PCOLCE2: variants seen among roughly 807,000 people sequenced by gnomAD.
The protein encoded by PCOLCE2 is procollagen C-endopeptidase enhancer 2.
PCOLCE2 carries 42 observed loss-of-function variants against 47.0 expected under a neutral mutation model. The observed-to-expected ratio is 0.89, with a 90% CI of 0.70 to 1.16. The LOEUF (loss-of-function observed/expected upper bound fraction) is 1.16, where lower values mean the gene tolerates loss of function less well. Among genes scored for constraint, PCOLCE2 ranks in the 50% most tolerant of loss-of-function variants. PCOLCE2 has a pLI of 0.00. For synonymous variants in PCOLCE2, 169 were observed against 191.7 expected (o/e 0.88, Z 0.98); for missense variants, 500 against 526.1 (o/e 0.95, Z 0.49).
intron 2 of PCOLCE2, among the ~76,000 whole-genome samples, chr3:142,861,980 C>A (rs1468287240): frequency 6.6e-6 from 1 of 152,148 alleles, no homozygotes; most frequent in Non-Finnish European, 1.5e-5. Context: ...AGAGGTGGGG[C>A]CGGGGTCTCA....
At chr3:142,839,889 G>A (rs1329073983) in intron 4 of PCOLCE2, among the ~76,000 whole-genome samples, 1 of 152,084 alleles carries the variant, frequency 6.6e-6, no homozygotes, top group Non-Finnish European at 1.5e-5. Context: ...TGGGAAAAGG[G>A]GCTACATACC....
At chr3:142,868,217 C>T (rs116056608) in intron 2 of PCOLCE2, among the ~76,000 whole-genome samples, 10,536 of 152,152 alleles carry the variant, frequency 0.069, 404 homozygotes, top group African/African-American at 0.1. Flanking sequence ...CTGTCTAGGA[C>T]AGTGTTTCTC....
At chr3:142,865,840 C>G (rs1933272738) in intron 2 of PCOLCE2, among the ~76,000 whole-genome samples, 1 of 152,076 alleles carries the variant, frequency 6.6e-6, no homozygotes, top group African/African-American at 2.4e-5. Context: ...GTCTTTTAAT[C>G]TAAGGCTTAT....
At chr3:142,838,046 T>C (rs1937223995) in intron 5 of PCOLCE2, among the ~76,000 whole-genome samples, 1 of 152,160 alleles carries the variant, frequency 6.6e-6, no homozygotes, top group Non-Finnish European at 1.5e-5. Context: ...TTGTTTTTGT[T>C]TTGTTTTGTT....
At chr3:142,871,685 TG>T (rs1439429347) in intron 2 of PCOLCE2, among the ~76,000 whole-genome samples, 1 of 152,214 alleles carries the variant, frequency 6.6e-6, no homozygotes, top group East Asian at 1.9e-4. Flanking sequence ...ATCTTCTCAC[TG>T]GAAGTTTTCA....
intron 6 of PCOLCE2, among the ~76,000 whole-genome samples, chr3:142,826,209 G>GT (rs1234384382): frequency 1.3e-5 from 2 of 151,778 alleles, no homozygotes; most frequent in Non-Finnish European, 2.9e-5. Flanking sequence ...GGGTTTCACC[G>GT]TGTTAGCCAA....
intron 6 of PCOLCE2, among the ~76,000 whole-genome samples, chr3:142,828,636 T>C (rs1158222514): frequency 6.6e-6 from 1 of 152,166 alleles, no homozygotes; most frequent in African/African-American, 2.4e-5. Context: ...GAAAATAGTG[T>C]GATAAAAACA....
At position 142,842,468 on chromosome 3, in the gene PCOLCE2, T is replaced by G. The variant is rs1937274506; in HGVS notation, c.573+456A>C. Among the ~76,000 whole-genome samples the G allele has an allele frequency of 6.6e-6, 1 of 152,186 alleles. No individual in the cohort carries two copies. The highest frequency in any genetic ancestry group is 2.1e-4 in the South Asian group (1 of 4,832). On this transcript the variant is annotated intron_variant, in intron 4 of 8. Transcript: ENST00000295992. This position sits in a 1 kb window ranked among gnomAD's most constrained non-coding sequence, Gnocchi z 4.1. The stretch of plus-strand genomic sequence containing the variant: ...AATGCAAAGGCTAGGCCGGGCACGG[T>G]GGCTCACATCTGTAATCCCAGCATT...
At chr3:142,848,596 C>T in intron 2 of PCOLCE2, 124 bp from the exon 3 acceptor site, 2 of 825,368 alleles carry the variant, frequency 2.4e-6, no homozygotes, top group South Asian at 4.4e-5. Context: ...TCTCTCATAT[C>T]TGAACTAACC....
intron 2 of PCOLCE2, among the ~76,000 whole-genome samples, chr3:142,871,990 C>T (rs142646658): frequency 2.1e-4 from 32 of 152,268 alleles, no homozygotes; most frequent in Admixed American, 8.5e-4. Context: ...CATCTTCACC[C>T]TACTCTTCTT....
intron 2 of PCOLCE2, among the ~76,000 whole-genome samples, chr3:142,866,190 A>T (rs1439869299): frequency 6.6e-6 from 1 of 152,192 alleles, no homozygotes; most frequent in African/African-American, 2.4e-5. Context: ...ATCCATTCTC[A>T]ACAGTGTGGG....
intron 2 of PCOLCE2, among the ~76,000 whole-genome samples, chr3:142,854,420 T>C (rs1933026694): frequency 6.6e-6 from 1 of 152,166 alleles, no homozygotes; most frequent in Admixed American, 6.5e-5. Context: ...AGACAAATTA[T>C]GTAAAAATAT....
Position 142,825,995 on chromosome 3 carries a change from G to A in PCOLCE2, c.866-2380C>T, listed in dbSNP as rs758589385. 7.1e-4 allele frequency among the ~76,000 whole-genome samples: 108 copies of A among 151,100 alleles called. 1 individual carries two copies. The highest frequency in any genetic ancestry group is 6.8e-3 in the Middle Eastern group (2 of 294). ...TGCCACTCCCTTCTCCCTCTCAGAG[G>A]TGACCTTGCCTTTTTTTTTTTCTTT... On this transcript the variant is annotated intron_variant, in intron 6 of 8. Transcript: ENST00000295992.
intron 3 of PCOLCE2, 57 bp downstream of exon 3, chr3:142,848,160 T>A: frequency 6.4e-7 from 1 of 1,554,848 alleles, no homozygotes; most frequent in Non-Finnish European, 8.8e-7. Flanking sequence ...AAACATCAAG[T>A]GCCAAGAACA....
chr3:142,827,396 A>C, intron 6 of PCOLCE2: 1 of 1,564,338 alleles, frequency 6.4e-7, no homozygotes, highest in Non-Finnish European at 8.8e-7. Flanking sequence ...GGCTGAGGAG[A>C]CAACCTTCTT....
At chr3:142,867,303 G>A (rs1339552049) in intron 2 of PCOLCE2, among the ~76,000 whole-genome samples, 2 of 152,142 alleles carry the variant, frequency 1.3e-5, no homozygotes, top group Non-Finnish European at 2.9e-5. Flanking sequence ...AAAGGACCCT[G>A]GGTGTTTCCC....
intron 2 of PCOLCE2, among the ~76,000 whole-genome samples, chr3:142,882,279 G>A (rs745383485): frequency 2.6e-5 from 4 of 152,030 alleles, no homozygotes; most frequent in Non-Finnish European, 5.9e-5. Context: ...ACACCTTGCT[G>A]CAAGCGATCT....
At chr3:142,884,631 T>A (rs1376699825) in intron 2 of PCOLCE2, among the ~76,000 whole-genome samples, 2 of 152,192 alleles carry the variant, frequency 1.3e-5, no homozygotes, top group Admixed American at 6.5e-5. Context: ...TAAGACCTGT[T>A]AAGGCCATCA....
At chr3:142,852,725 T>G (rs7641349) in intron 2 of PCOLCE2, among the ~76,000 whole-genome samples, 2,289 of 148,214 alleles carry the variant, frequency 0.015, 63 homozygotes, top group African/African-American at 0.054. Context: ...ACATAAGTAT[T>G]TATGTATATG....
Sources: allele counts gnomAD v4.1 joint callset (sites outside exome capture counted in the v4.1 genomes callset), GRCh38; gene constraint gnomAD v4.1.1; non-coding constraint Gnocchi (gnomAD v3.1); transcripts MANE v1.5; gene names NCBI Gene and HGNC (gene_info 2026-07-23, HGNC 2026-07-21).